The following MTAP variants were observed in gnomAD, a reference collection of about 807,000 sequenced individuals.
MTAP encodes S-methyl-5'-thioadenosine phosphorylase.
Under a neutral mutation model 33.6 loss-of-function variants are expected in MTAP, and 33 were observed. That is an observed-to-expected ratio of 0.98 (90% confidence interval 0.74 to 1.31). The LOEUF is 1.31. MTAP is among the 40% of genes most tolerant of loss of function. The pLI, the probability that MTAP is intolerant of heterozygous loss-of-function variation, is 0.00. For missense variants in MTAP, 367 were observed against 360.0 expected (o/e 1.02, Z -0.16); for synonymous variants, 148 against 125.7 (o/e 1.18, Z -1.19).
chr9:21,923,464 C>T lies in MTAP; in HGVS notation c.148-7544C>T, dbSNP rs112305199. ...AGCTCCGAGTTCTCCAAAGATTCCT[C>T]TTTATGTCAAGAGGGCAAATAAACA... is the stretch of plus-strand genomic sequence containing the variant. On this transcript the variant is annotated intron_variant, in intron 1 of 1. Coordinates refer to the MTAP transcript ENST00000577563. Among the ~76,000 whole-genome samples the T allele has an allele frequency of 4.7e-4, 72 of 152,296 alleles. 1 individual carries two copies. Among genetic ancestry groups the T allele is most frequent in the African/African-American group, 1.7e-3 (69 of 41,554 alleles).
At chr9:21,906,279 A>G (rs2118828216) in intron 1 of MTAP, among the ~76,000 whole-genome samples, 1 of 152,358 alleles carries the variant, frequency 6.6e-6, no homozygotes, top group Non-Finnish European at 1.5e-5. Context: ...GATAAAAGAA[A>G]ATATGTATAT....
chr9:21,892,956 C>G (rs1818225129), intron 1 of MTAP: 1 of 152,092 alleles, frequency 6.6e-6, no homozygotes, highest in Non-Finnish European at 1.5e-5. Flanking sequence ...AAATAGAAAT[C>G]AATAGTGAAA....
intron 4 of MTAP, among the ~76,000 whole-genome samples, chr9:21,830,301 C>T (rs2118227952): frequency 6.6e-6 from 1 of 152,256 alleles, no homozygotes; most frequent in South Asian, 2.1e-4. Context: ...GTGTTCTTCC[C>T]AAACCAAAAA....
Position 21,873,765 on chromosome 9 carries a change from A to G in MTAP, c.147+18895A>G, listed in dbSNP as rs139324595. Among the ~76,000 whole-genome samples, 443 of 152,286 alleles carry G rather than the reference A, an allele frequency of 2.9e-3. 2 individuals carry two copies. Among genetic ancestry groups the G allele is most frequent in the African/African-American group, 9.8e-3 (408 of 41,570 alleles). On this transcript the variant is annotated intron_variant, in intron 1 of 1. Coordinates refer to the MTAP transcript ENST00000577563. ...GCAATTTAAAAGGAACAGCTATAGAAGTTGAACAACAGTCGTACTAAATGG... is the reference window on the plus strand; with the variant it reads ...GCAATTTAAAAGGAACAGCTATAGAGGTTGAACAACAGTCGTACTAAATGG...
rs760626762 is a variant in MTAP at position 21,816,667 on chromosome 9, C to A, written c.121-47C>A. The A allele has an allele frequency of 8.5e-6, 13 of 1,525,644 alleles. No individual in the cohort carries two copies. In the Admixed American group the frequency reaches 2.1e-4, roughly 25 times the overall value. The allele number at this position is 1,525,644 out of a possible 1,614,324, so 94.5% of individuals were successfully genotyped here. ...GGTTGAACAATTATAATTTACATAC[C>A]TGTTTTTAAATCACTGAGTTAAATG... is the stretch of plus-strand genomic sequence containing the variant. On this transcript the variant is annotated intron_variant, in intron 2 of 7. Transcript: ENST00000644715.
intron 5 of MTAP, among the ~76,000 whole-genome samples, chr9:21,848,458 A>G (rs1391650368): frequency 9.8e-6 from 1 of 102,252 alleles, no homozygotes; most frequent in Non-Finnish European, 2.2e-5. Flanking sequence ...TTCTGCATTT[A>G]ATGTTGCAGC....
intron 5 of MTAP, among the ~76,000 whole-genome samples, chr9:21,846,907 T>C (rs1248542958): frequency 1.3e-5 from 2 of 152,150 alleles, no homozygotes; most frequent in Admixed American, 6.5e-5. Context: ...TAATACTGAG[T>C]GTAAACTTGA....
intron 4 of MTAP, among the ~76,000 whole-genome samples, chr9:21,824,181 A>C (rs976282781): frequency 2.6e-5 from 4 of 152,044 alleles, no homozygotes; most frequent in Non-Finnish European, 5.9e-5. Context: ...AGGTGCTCTG[A>C]TTTTTAGAAT....
chr9:21,837,226 A>G (rs1349419849), intron 4 of MTAP, among the ~76,000 whole-genome samples: 1 of 152,226 alleles, frequency 6.6e-6, no homozygotes, highest in Non-Finnish European at 1.5e-5. Flanking sequence ...GGCAGCGAAC[A>G]AAGATTCCTA....
At chr9:21,815,399 A>G in intron 1 of MTAP, 34 bp from the exon 2 acceptor site, 1 of 1,402,970 alleles carries the variant, frequency 7.1e-7, no homozygotes, top group Non-Finnish European at 9.9e-7. Flanking sequence ...AAATTACCAA[A>G]TACAATAATC....
chr9:21,854,560 T>A lies in MTAP; in HGVS notation c.451-71T>A, dbSNP rs956288565. ...CTTTAAGAAATCAACTTGGTAAACA[T>A]TGGGGGGAAGTGCAGCCTTAAGTTG... On this transcript the variant is annotated intron_variant, in intron 5 of 7. Coordinates refer to ENST00000644715, the MANE Select transcript of MTAP (RefSeq NM_002451.4). The A allele has an allele frequency of 7.5e-6, 11 of 1,460,118 alleles. No homozygotes were observed. The South Asian group carries it at 1.1e-4, about 15-fold the overall frequency. 90.4% of individuals were successfully genotyped at this position (1,460,118 alleles called of 1,614,324 possible).
intron 4 of MTAP, among the ~76,000 whole-genome samples, chr9:21,823,222 A>C (rs911879432): frequency 2.6e-5 from 4 of 152,168 alleles, no homozygotes; most frequent in Admixed American, 6.5e-5. Context: ...TCTTCCTAGC[A>C]TCGATGGTCT....
At chr9:21,932,902 AC>A (rs1209249337), downstream of MTAP, 2 of 152,214 alleles carry the variant, frequency 1.3e-5, no homozygotes, top group East Asian at 3.9e-4. Flanking sequence ...CTGCCTAATT[AC>A]TCTGAATCTA....
chr9:21,865,290 A>G lies in MTAP; in HGVS notation c.*3276A>G, dbSNP rs1038408600. On this transcript the variant is annotated 3_prime_UTR_variant, in exon 8 of 8. Coordinates refer to ENST00000644715, the MANE Select transcript of MTAP (RefSeq NM_002451.4). ...AACACTTCTTCCTGCCATCATGTGA[A>G]GAAGGACGTGTTTGTTTCCCCTTCT... 20 of 458,178 alleles carry G rather than the reference A, an allele frequency of 4.4e-5. No individual in the cohort carries two copies. Among genetic ancestry groups the G allele is most frequent in the Non-Finnish European group, 5.7e-5 (20 of 348,436 alleles). The allele number at this position is 458,178 out of a possible 1,614,324, so 28.4% of individuals were successfully genotyped here.
At chr9:21,815,745 A>G (rs781181551) in intron 2 of MTAP, 22 of 510,318 alleles carry the variant, frequency 4.3e-5, no homozygotes, top group Non-Finnish European at 7.3e-5. Context: ...GCTACTTAGT[A>G]TGTAAATCAC....
intron 5 of MTAP, among the ~76,000 whole-genome samples, chr9:21,841,417 A>G (rs1162426604): frequency 1.3e-5 from 2 of 152,246 alleles, no homozygotes; most frequent in African/African-American, 4.8e-5. Flanking sequence ...CTGGCTAACC[A>G]GAGATCCTGA....
At chr9:21,904,836 T>G (rs1344585661) in intron 1 of MTAP, among the ~76,000 whole-genome samples, 4 of 152,206 alleles carry the variant, frequency 2.6e-5, no homozygotes, top group Non-Finnish European at 4.4e-5. Context: ...CAAAATTGCT[T>G]ATAGCTATTA....
At chr9:21,846,732 G>A (rs367830434) in intron 5 of MTAP, among the ~76,000 whole-genome samples, 39 of 152,276 alleles carry the variant, frequency 2.6e-4, no homozygotes, top group Non-Finnish European at 4.4e-4. Context: ...ACTCCTATGC[G>A]TCTACCCAGA....
chr9:21,872,825 T>C (rs1825956712), intron 1 of MTAP, among the ~76,000 whole-genome samples: 1 of 152,166 alleles, frequency 6.6e-6, no homozygotes, highest in South Asian at 2.1e-4. Context: ...TTTCATGCTT[T>C]ATGACTGCAG....
Sources: gnomAD v4.1 joint callset for allele counts (sites outside exome capture counted in the v4.1 genomes callset) on GRCh38, gnomAD v4.1.1 for gene constraint, MANE v1.5 for transcripts, NCBI Gene and HGNC (gene_info 2026-07-23, HGNC 2026-07-21) for gene names.